The following RNASEH2B variants were observed in gnomAD, a reference collection of about 807,000 sequenced individuals.
The protein encoded by RNASEH2B is ribonuclease H2 subunit B.
RNASEH2B carries 36 observed loss-of-function variants against 45.0 expected under a neutral mutation model. That is an observed-to-expected ratio of 0.80 (90% CI 0.61 to 1.06). The LOEUF (loss-of-function observed/expected upper bound fraction) is 1.06, where lower values mean the gene tolerates loss of function less well. Ranked by LOEUF, RNASEH2B falls within the 50% of genes least tolerant of loss-of-function variation. The pLI is 0.00. For synonymous variants in RNASEH2B, 119 were observed against 125.7 expected, an observed-to-expected ratio of 0.95 and a Z score of 0.35; for missense variants, 361 against 360.3, an observed-to-expected ratio of 1.00 and a Z score of -0.02.
At position 50,943,405 on chromosome 13, in the gene RNASEH2B, T is replaced by C. The variant is rs753938285; in HGVS notation, c.510+11T>C. 3 of 1,565,774 alleles carry C rather than the reference T, an allele frequency of 1.9e-6. No individual in the cohort carries two copies. Among genetic ancestry groups the C allele is most frequent in the Non-Finnish European group, 2.6e-6 (3 of 1,136,010 alleles). On this transcript the variant is annotated intron_variant, in intron 6 of 10. Coordinates refer to ENST00000336617, the MANE Select transcript of RNASEH2B (RefSeq NM_024570.4). The stretch of plus-strand genomic sequence containing the variant: ...TGGCTGGAAAAAAAGGTATAGTTCC[T>C]CTCTAGTGCCTTGTGGTAAAAGTAA...
chr13:50,926,426 A>G (rs1040783198), intron 1 of RNASEH2B, among the ~76,000 whole-genome samples: 6 of 152,184 alleles, frequency 3.9e-5, no homozygotes, highest in African/African-American at 1.2e-4. Context: ...TAATAGGAAC[A>G]TTTTAAGAGT....
intron 1 of RNASEH2B, among the ~76,000 whole-genome samples, chr13:50,925,973 G>A (rs986682896): frequency 6.6e-6 from 1 of 152,056 alleles, no homozygotes; most frequent in Non-Finnish European, 1.5e-5. Context: ...GCAATCATAG[G>A]GCTCATCTCA....
At chr13:50,969,082 ATGT>A (rs1280380449) in intron 9 of RNASEH2B, among the ~76,000 whole-genome samples, 1 of 152,238 alleles carries the variant, frequency 6.6e-6, no homozygotes, top group African/African-American at 2.4e-5. Flanking sequence ...TGTGCTAGAC[ATGT>A]TGTAGATAGA....
chr13:50,929,990 A>T, intron 3 of RNASEH2B: 2 of 268,538 alleles, frequency 7.4e-6, no homozygotes, highest in South Asian at 4.2e-5. Context: ...AAGTTTCTTT[A>T]AAATGCTTTG....
chr13:50,940,583 G>A (rs1242625113), intron 5 of RNASEH2B, among the ~76,000 whole-genome samples: 1 of 152,182 alleles, frequency 6.6e-6, no homozygotes, highest in Non-Finnish European at 1.5e-5. Flanking sequence ...CAAGGCCAGT[G>A]TGAGCACTGG....
chr13:50,926,520 A>T (rs1951598339), intron 1 of RNASEH2B, among the ~76,000 whole-genome samples: 2 of 152,148 alleles, frequency 1.3e-5, no homozygotes, highest in African/African-American at 4.8e-5. Flanking sequence ...ATGTGATAAA[A>T]ACTTGATGGT....
chr13:50,960,977 T>C (rs1414236406), downstream of RNASEH2B, among the ~76,000 whole-genome samples: 1 of 152,178 alleles, frequency 6.6e-6, no homozygotes, highest in African/African-American at 2.4e-5. Flanking sequence ...CATTTTTGAG[T>C]ACAGGGTAAA....
At chr13:50,956,242 TG>T in intron 10 of RNASEH2B, 115 bp from the exon 11 acceptor site, 1 of 806,702 alleles carries the variant, frequency 1.2e-6, no homozygotes, top group South Asian at 1.6e-5. Flanking sequence ...AGCATGTTAG[TG>T]GGGGATGCTT....
At chr13:50,914,227 C>T (rs1879600257) in intron 1 of RNASEH2B, among the ~76,000 whole-genome samples, 1 of 152,174 alleles carries the variant, frequency 6.6e-6, no homozygotes, top group African/African-American at 2.4e-5. Flanking sequence ...CCCTTCTTTA[C>T]CTAATGGCTC....
chr13:50,951,542 A>C (rs1396291823), intron 9 of RNASEH2B: 1 of 152,114 alleles, frequency 6.6e-6, no homozygotes, highest in Non-Finnish European at 1.5e-5. Flanking sequence ...GAATGCAACC[A>C]GTGGGTTTGG....
At chr13:50,948,613 A>G (rs1167384922) in intron 8 of RNASEH2B, 1 of 152,532 alleles carries the variant, frequency 6.6e-6, no homozygotes, top group Admixed American at 6.5e-5. Context: ...TTATACATTT[A>G]GACTTTAAGT....
At chr13:50,912,568 A>G (rs139193141) in intron 1 of RNASEH2B, 1,854 of 152,312 alleles carry the variant, frequency 0.012, 33 homozygotes, top group African/African-American at 0.043. Context: ...TCATCTTCCC[A>G]GATGTAGTTG....
intron 5 of RNASEH2B, chr13:50,937,268 A>G (rs928561703): frequency 9.9e-5 from 15 of 151,848 alleles, no homozygotes; most frequent in African/African-American, 3.6e-4. Context: ...GTTGCCCAGG[A>G]TGGAATGCAG....
intron 1 of RNASEH2B, among the ~76,000 whole-genome samples, chr13:50,920,726 A>G (rs537662081): frequency 1.3e-5 from 2 of 152,276 alleles, no homozygotes; most frequent in African/African-American, 2.4e-5. Context: ...ACATGAGTCA[A>G]TTTTCTAGAC....
chr13:50,927,218 A>G, intron 1 of RNASEH2B, 189 bp from the exon 2 acceptor site: 1 of 516,996 alleles, frequency 1.9e-6, no homozygotes, highest in Non-Finnish European at 3.5e-6. Flanking sequence ...CATTTAAACT[A>G]CCTGAAATTC....
At chr13:50,943,055 A>T in intron 5 of RNASEH2B, 1 of 366,768 alleles carries the variant, frequency 2.7e-6, no homozygotes, top group Non-Finnish European at 4.9e-6. Flanking sequence ...CTGAGGTTTT[A>T]AAATTACCTT....
At chr13:50,922,894 A>G (rs1040989069) in intron 1 of RNASEH2B, among the ~76,000 whole-genome samples, 2 of 152,364 alleles carry the variant, frequency 1.3e-5, no homozygotes, top group East Asian at 3.9e-4. Flanking sequence ...AGCTACTATC[A>G]ACATAGTCAA....
chr13:50,945,661 T>C, intron 7 of RNASEH2B, 129 bp downstream of exon 7: 1 of 694,564 alleles, frequency 1.4e-6, no homozygotes, highest in South Asian at 1.5e-5. Flanking sequence ...CTCATACACA[T>C]TGTGGCAGGT....
intron 1 of RNASEH2B, among the ~76,000 whole-genome samples, chr13:50,921,702 AATCCACC>A (rs2137906343): frequency 6.6e-6 from 1 of 152,342 alleles, no homozygotes; most frequent in South Asian, 2.1e-4. Context: ...AGTGAGGGTA[AATCCACC>A]CTCCCATAAA....
Sources: gnomAD v4.1 joint callset for allele counts (sites outside exome capture counted in the v4.1 genomes callset) on GRCh38, gnomAD v4.1.1 for gene constraint, MANE v1.5 for transcripts, NCBI Gene and HGNC (gene_info 2026-07-23, HGNC 2026-07-21) for gene names.